Variants in SPATA1 observed in about 807,000 individuals in gnomAD.
SPATA1 encodes spermatogenesis associated 1.
SPATA1 carries 57 observed loss-of-function variants against 59.6 expected under a neutral mutation model. That is an observed-to-expected ratio of 0.96 (90% CI 0.77 to 1.19). The LOEUF is 1.19. Among genes scored for constraint, SPATA1 ranks in the 50% most tolerant of loss-of-function variants. The pLI is 0.00. For synonymous variants in SPATA1, 147 were observed against 163.9 expected (o/e 0.90, Z 0.79); for missense variants, 448 against 480.7 (o/e 0.93, Z 0.64).
chr1:84,519,700 A>G (rs1488108484), intron 2 of SPATA1, among the ~76,000 whole-genome samples: 1 of 152,126 alleles, frequency 6.6e-6, no homozygotes, highest in Non-Finnish European at 1.5e-5. Flanking sequence ...TCAAAAGCAT[A>G]GAAGTAATTT....
intron 1 of SPATA1, among the ~76,000 whole-genome samples, chr1:84,508,897 T>C (rs1682404530): frequency 6.6e-6 from 1 of 152,060 alleles, no homozygotes; most frequent in Non-Finnish European, 1.5e-5. Flanking sequence ...CATAAAACAC[T>C]GATGCAAGAA....
At position 84,516,147 on chromosome 1, in the gene SPATA1, G is replaced by A. The variant is rs756716306; in HGVS notation, c.-137-76G>A. On this transcript the variant is annotated intron_variant, in intron 1 of 12. Transcript: ENST00000490879. ...CTTTTGAGTTAGAATAATAAAGATT[G>A]TATATATGTCTAAGTTTTCATTTGT... 1.6e-4 allele frequency: 75 copies of A among 474,220 alleles called. No individual in the cohort carries two copies. In the Admixed American group the frequency reaches 1.6e-3, roughly 10 times the overall value. The allele number at this position is 474,220 out of a possible 1,614,324, so 29.4% of individuals were successfully genotyped here. A position where few individuals can be genotyped will look rare whatever the true frequency, so the allele number is the denominator to read the frequency against.
intron 1 of SPATA1, among the ~76,000 whole-genome samples, chr1:84,507,849 G>T (rs1390659461): frequency 1.1e-5 from 1 of 91,874 alleles, no homozygotes; most frequent in East Asian, 4.1e-4. Context: ...GGCCGAAACA[G>T]TTTCAGAAAA....
chr1:84,550,635 G>A, intron 12 of SPATA1, 105 bp downstream of exon 12: 2 of 1,294,682 alleles, frequency 1.5e-6, no homozygotes, highest in Non-Finnish European at 2.0e-6. Context: ...AGCCAGGATT[G>A]ACTGTATTAA....
At chr1:84,525,978 C>G in exon 6 of SPATA1, 3 of 1,613,566 alleles carry the variant, frequency 1.9e-6, no homozygotes, top group Non-Finnish European at 2.5e-6. Flanking sequence ...ATCCACAGAC[C>G]AATTAGTGTA....
downstream of SPATA1, among the ~76,000 whole-genome samples, chr1:84,558,671 T>A (rs1217789784): frequency 6.8e-6 from 1 of 147,788 alleles, no homozygotes; most frequent in Non-Finnish European, 1.5e-5. Flanking sequence ...GAGGCCAAGG[T>A]GGGAGAATCA....
chr1:84,539,189 G>C (rs747848325), intron 8 of SPATA1, among the ~76,000 whole-genome samples: 1 of 152,156 alleles, frequency 6.6e-6, no homozygotes, highest in Non-Finnish European at 1.5e-5. Context: ...ACAAGCCCTG[G>C]TAGGAGAATC....
At chr1:84,562,521 T>C (rs1684614451) in intron 4 of SPATA1, among the ~76,000 whole-genome samples, 2 of 152,238 alleles carry the variant, frequency 1.3e-5, no homozygotes, top group Admixed American at 6.5e-5. Flanking sequence ...ACTTCACTTA[T>C]ATCATTTTAG....
At chr1:84,508,509 C>T (rs1682385092) in intron 1 of SPATA1, among the ~76,000 whole-genome samples, 1 of 152,186 alleles carries the variant, frequency 6.6e-6, no homozygotes, top group East Asian at 1.9e-4. Flanking sequence ...CAAGAGGATT[C>T]TTTTAGCAAT....
chr1:84,566,039 T>C (rs1439542466), exon 5 of SPATA1: 6 of 1,450,742 alleles, frequency 4.1e-6, no homozygotes, highest in Admixed American at 2.3e-5. Context: ...TACTATTTTA[T>C]GTAATATGAT....
chr1:84,529,326 A>G (rs1683363083), intron 6 of SPATA1, among the ~76,000 whole-genome samples: 1 of 151,924 alleles, frequency 6.6e-6, no homozygotes, highest in African/African-American at 2.4e-5. Context: ...AAATCTTTTT[A>G]GGACAAGGAT....
intron 12 of SPATA1, chr1:84,552,297 A>G (rs984448582): frequency 3.3e-5 from 5 of 152,194 alleles, no homozygotes; most frequent in Non-Finnish European, 7.3e-5. Flanking sequence ...CTGTTTAAAA[A>G]TGCAGGATCT....
At chr1:84,524,813 T>C (rs1683153552) in intron 4 of SPATA1, among the ~76,000 whole-genome samples, 2 of 152,202 alleles carry the variant, frequency 1.3e-5, no homozygotes, top group African/African-American at 4.8e-5. Context: ...TCATAAAACA[T>C]GTATCACCAT....
At chr1:84,544,178 A>C (rs778253546) in intron 8 of SPATA1, 24 bp from the exon 9 acceptor site, 3 of 1,427,454 alleles carry the variant, frequency 2.1e-6, no homozygotes, top group South Asian at 1.2e-5. Flanking sequence ...AGCCGATCTT[A>C]CTCATTTTCA....
At chr1:84,555,106 T>C (rs1222112110), downstream of SPATA1, 1 of 1,613,978 alleles carries the variant, frequency 6.2e-7, no homozygotes. Context: ...CACATGCCAA[T>C]GCCCCGTAAG....
chr1:84,519,273 G>T (rs549063414), intron 2 of SPATA1, among the ~76,000 whole-genome samples: 2 of 152,112 alleles, frequency 1.3e-5, no homozygotes, highest in African/African-American at 4.8e-5. Flanking sequence ...TAATGAAAAT[G>T]TTATTGATGA....
At chr1:84,550,905 C>T (rs1250490989) in intron 12 of SPATA1, 15 of 976,800 alleles carry the variant, frequency 1.5e-5, no homozygotes, top group Non-Finnish European at 1.8e-5. Context: ...TATGGGTAAT[C>T]GTTTCATTTT....
At chr1:84,551,033 G>C in intron 12 of SPATA1, 1 of 985,232 alleles carries the variant, frequency 1.0e-6, no homozygotes, top group Non-Finnish European at 1.2e-6. Flanking sequence ...TCTCCCATGG[G>C]ACCTTTTGTA....
At chr1:84,510,929 A>G (rs1040917227) in intron 1 of SPATA1, among the ~76,000 whole-genome samples, 1 of 152,192 alleles carries the variant, frequency 6.6e-6, no homozygotes, top group South Asian at 2.1e-4. Flanking sequence ...CAAACCTCAC[A>G]TGTTCTCACT....
Sources: allele counts gnomAD v4.1 joint callset (sites outside exome capture counted in the v4.1 genomes callset), GRCh38; gene constraint gnomAD v4.1.1; transcripts MANE v1.5; gene names NCBI Gene and HGNC (gene_info 2026-07-23, HGNC 2026-07-21).